The following DACH2 variants were observed in gnomAD, a reference collection of about 807,000 sequenced individuals.
The protein encoded by DACH2 is dachshund family transcription factor 2, also known as dachshund homolog 2.
DACH2 carries 17 observed loss-of-function variants against 35.8 expected under a neutral mutation model. That is an observed-to-expected ratio of 0.48 (90% confidence interval 0.33 to 0.71). DACH2 has a LOEUF of 0.71. Ranked by LOEUF, DACH2 falls within the 30% of genes least tolerant of loss-of-function variation. DACH2 has a pLI of 0.02. For missense variants in DACH2, 469 were observed against 472.7 expected, an observed-to-expected ratio of 0.99 and a Z score of 0.07; for synonymous variants, 195 against 177.3, an observed-to-expected ratio of 1.10 and a Z score of -0.79.
chrX:86,773,727 A>G (rs1323734437), intron 7 of DACH2, among the ~76,000 whole-genome samples: 1 of 111,754 alleles, frequency 8.9e-6, no homozygotes, highest in Non-Finnish European at 1.9e-5. Flanking sequence ...GGAAAAGGCA[A>G]TGAAATGCAT....
intron 2 of DACH2, among the ~76,000 whole-genome samples, chrX:86,399,525 G>C (rs953040865): frequency 8.9e-6 from 1 of 111,826 alleles, no homozygotes; most frequent in African/African-American, 3.3e-5. Context: ...GGTACCAGTT[G>C]TTCCTTTCCA....
intron 1 of DACH2, among the ~76,000 whole-genome samples, chrX:86,246,409 G>A (rs2033284963): frequency 9.0e-6 from 1 of 111,245 alleles, no homozygotes; most frequent in African/African-American, 3.3e-5. Flanking sequence ...ATTAAAGACA[G>A]CTAGAGAGAA....
chrX:86,396,425 G>A (rs1244695402), intron 2 of DACH2, among the ~76,000 whole-genome samples: 1 of 96,240 alleles, frequency 1.0e-5, no homozygotes, highest in Non-Finnish European at 2.1e-5. Context: ...GGCTTTTGTT[G>A]CCATTGCTTT....
chrX:86,546,385 T>TCTG (rs1569435721), intron 3 of DACH2, among the ~76,000 whole-genome samples: 30 of 66,753 alleles, frequency 4.5e-4, no homozygotes, highest in African/African-American at 2.5e-3. Context: ...TTCTTCTTCT[T>TCTG]CTTCTTCTTC....
rs899106479 is a variant in DACH2, at chrX:86,157,916, A to G, written c.488+8808A>G. Among the ~76,000 whole-genome samples the G allele has an allele frequency of 7.2e-5, 8 of 111,545 alleles. No individual in the cohort carries two copies. The South Asian group carries it at 1.5e-3, about 21-fold the overall frequency. On this transcript the variant is annotated intron_variant, in intron 1 of 11. Coordinates refer to ENST00000373125, the MANE Select transcript of DACH2 (RefSeq NM_053281.3). ...AAACATTTTGAAAACATATGTAATT[A>G]TCATATAAGACTATACTATCTCTTA...
chrX:86,617,578 A>G (rs1358515400), intron 3 of DACH2, among the ~76,000 whole-genome samples: 1 of 111,430 alleles, frequency 9.0e-6, no homozygotes, highest in Non-Finnish European at 1.9e-5. Flanking sequence ...AACATTGGTA[A>G]CACTTCTCTT....
In DACH2 at chrX:86,630,423, C is replaced by CAT. The variant is rs751878867; in HGVS notation, c.641-20602_641-20601dup. On this transcript the variant is annotated intron_variant, in intron 3 of 11. Transcript: ENST00000373125. ...ATATATACACATATATATATACACA[C>CAT]ATATATATATATGAACGAGAGAGAG... 2.9e-3 allele frequency among the ~76,000 whole-genome samples: 309 copies of CAT among 107,980 alleles called. 1 individual carries two copies. The highest frequency in any genetic ancestry group is 9.9e-3 in the African/African-American group (293 of 29,658). The allele number at this position is 107,980 out of a possible 115,157, so 93.8% of individuals were successfully genotyped here.
At chrX:86,592,167 C>T (rs976699116) in intron 3 of DACH2, among the ~76,000 whole-genome samples, 1 of 111,489 alleles carries the variant, frequency 9.0e-6, no homozygotes, top group Non-Finnish European at 1.9e-5. Flanking sequence ...GTTTTATATT[C>T]AGGTCTAGAA....
At chrX:86,561,737 C>G (rs1445678498) in intron 3 of DACH2, among the ~76,000 whole-genome samples, 1 of 48,907 alleles carries the variant, frequency 2.0e-5, no homozygotes, top group Non-Finnish European at 3.6e-5. Flanking sequence ...ATATCACACT[C>G]TGGGGACTGT....
At chrX:86,444,982 A>T (rs1356701641) in intron 2 of DACH2, among the ~76,000 whole-genome samples, 4 of 111,094 alleles carry the variant, frequency 3.6e-5, no homozygotes, top group African/African-American at 1.3e-4. Flanking sequence ...TGAGATCCTT[A>T]AAAAGTATTG....
At chrX:86,473,444 C>T (rs910383721) in intron 2 of DACH2, among the ~76,000 whole-genome samples, 2 of 110,967 alleles carry the variant, frequency 1.8e-5, no homozygotes, top group Non-Finnish European at 3.8e-5. Context: ...GTTGTACTAT[C>T]AAATACTAGG....
chrX:86,767,607 C>A (rs1207118178), intron 7 of DACH2, among the ~76,000 whole-genome samples: 1 of 111,943 alleles, frequency 8.9e-6, no homozygotes, highest in African/African-American at 3.2e-5. Flanking sequence ...CTGTTATTTG[C>A]CACTGTGTAT....
chrX:86,345,943 G>A (rs1481104363), intron 1 of DACH2, among the ~76,000 whole-genome samples: 3 of 112,012 alleles, frequency 2.7e-5, no homozygotes, highest in Non-Finnish European at 3.8e-5. Flanking sequence ...ATTGCTGACA[G>A]CAGAAAAATA....
intron 3 of DACH2, among the ~76,000 whole-genome samples, chrX:86,517,656 G>A (rs746632498): frequency 6.3e-5 from 7 of 110,591 alleles, no homozygotes; most frequent in African/African-American, 2.0e-4. Flanking sequence ...CTGACCTCAC[G>A]ATCCACCCAC....
At chrX:86,515,934 G>T (rs1032901073) in intron 3 of DACH2, among the ~76,000 whole-genome samples, 7 of 111,867 alleles carry the variant, frequency 6.3e-5, no homozygotes, top group South Asian at 3.7e-4. Flanking sequence ...ATGGAGAAAA[G>T]GTTCTGAGTG....
intron 4 of DACH2, among the ~76,000 whole-genome samples, chrX:86,667,602 AAGAAAGAAAGAAAGGC>A (rs2040712924): frequency 9.7e-6 from 1 of 102,975 alleles, no homozygotes; most frequent in Non-Finnish European, 1.9e-5. Flanking sequence ...GAAAGAAAGA[AAGAAAGAAAGAAAGGC>A]AGGCAGGCCC....
chrX:86,624,494 T>A (rs886389880), intron 3 of DACH2, among the ~76,000 whole-genome samples: 2 of 111,742 alleles, frequency 1.8e-5, no homozygotes, highest in East Asian at 5.6e-4. Context: ...ATTATTAGGA[T>A]CACAAACAGA....
chrX:86,660,424 C>A (rs1208331986), intron 4 of DACH2, among the ~76,000 whole-genome samples: 1 of 111,422 alleles, frequency 9.0e-6, no homozygotes, highest in Non-Finnish European at 1.9e-5. Flanking sequence ...GTTATCCTTG[C>A]AGGTTAAGTA....
At chrX:86,429,126 G>C (rs2148167748) in intron 2 of DACH2, among the ~76,000 whole-genome samples, 1 of 110,921 alleles carries the variant, frequency 9.0e-6, no homozygotes, top group African/African-American at 3.3e-5. Context: ...ATAAAGGGCA[G>C]CTTAGGTATT....
Sources: allele counts gnomAD v4.1 joint callset (sites outside exome capture counted in the v4.1 genomes callset), GRCh38; gene constraint gnomAD v4.1.1; transcripts MANE v1.5; gene names NCBI Gene and HGNC (gene_info 2026-07-23, HGNC 2026-07-21).